Variants in NOL10 observed in about 807,000 individuals in gnomAD.
NOL10 encodes the protein nucleolar protein 10, also known as H_NH0074G24.1.
In NOL10, 58 loss-of-function variants were observed where a neutral mutation model predicts 103.5. The observed-to-expected ratio is 0.56, with a 90% confidence interval of 0.45 to 0.70. The LOEUF (loss-of-function observed/expected upper bound fraction) is 0.70, where lower values mean the gene tolerates loss of function less well. Ranked by LOEUF, NOL10 falls within the 30% of genes least tolerant of loss-of-function variation. The pLI is 0.00. For synonymous variants in NOL10, 287 were observed against 282.5 expected, an observed-to-expected ratio of 1.02 and a Z score of -0.16; for missense variants, 763 against 807.3, an observed-to-expected ratio of 0.95 and a Z score of 0.67.
At chr2:10,603,016 G>T in intron 15 of NOL10, 62 bp downstream of exon 15, 1 of 1,370,710 alleles carries the variant, frequency 7.3e-7, no homozygotes, top group Non-Finnish European at 1.0e-6. Context: ...CGAGTAGTGA[G>T]GAAATGGCCA....
intron 13 of NOL10, among the ~76,000 whole-genome samples, chr2:10,637,201 A>C (rs1158629399): frequency 3.3e-5 from 5 of 150,494 alleles, no homozygotes; most frequent in African/African-American, 9.7e-5. Flanking sequence ...AAAAAAAAAA[A>C]AAAAAAAAAA....
chr2:10,676,698 C>T (rs1002227535), intron 3 of NOL10, among the ~76,000 whole-genome samples: 6 of 147,862 alleles, frequency 4.1e-5, no homozygotes, highest in Non-Finnish European at 8.9e-5. Context: ...GGTGCAATGG[C>T]GTGATCTCGG....
intron 1 of NOL10, among the ~76,000 whole-genome samples, chr2:10,686,979 C>CA (rs1682258194): frequency 6.6e-6 from 1 of 152,208 alleles, no homozygotes; most frequent in African/African-American, 2.4e-5. Flanking sequence ...GGGCTAGAAA[C>CA]ATCAATGTGA....
chr2:10,679,831 G>A (rs1348369190), intron 3 of NOL10, among the ~76,000 whole-genome samples: 2 of 152,152 alleles, frequency 1.3e-5, no homozygotes, highest in Non-Finnish European at 2.9e-5. Flanking sequence ...ATGTTGGGCA[G>A]GCTGGTCTCG....
intron 13 of NOL10, among the ~76,000 whole-genome samples, chr2:10,626,394 C>A (rs540482114): frequency 2.0e-5 from 3 of 152,196 alleles, no homozygotes; most frequent in Non-Finnish European, 2.9e-5. Context: ...TTTGAGAACA[C>A]TGAATCAAAG....
At chr2:10,646,893 G>GA (rs1217932706) in intron 12 of NOL10, among the ~76,000 whole-genome samples, 1 of 152,186 alleles carries the variant, frequency 6.6e-6, no homozygotes, top group Non-Finnish European at 1.5e-5. Flanking sequence ...ATGGCAACGT[G>GA]AAAGATGTGT....
intron 17 of NOL10, among the ~76,000 whole-genome samples, chr2:10,591,647 G>A (rs566374868): frequency 6.6e-6 from 1 of 152,220 alleles, no homozygotes; most frequent in Non-Finnish European, 1.5e-5. Context: ...ACGAAGGAGG[G>A]AGACAGGGAA....
chr2:10,603,524 G>C (rs1676093795), intron 14 of NOL10, among the ~76,000 whole-genome samples: 1 of 152,144 alleles, frequency 6.6e-6, no homozygotes, highest in African/African-American at 2.4e-5. Context: ...GAGGAGAAGG[G>C]AGAGAGGAGA....
At chr2:10,602,749 A>C in intron 16 of NOL10, 27 bp downstream of exon 16, 1 of 1,351,878 alleles carries the variant, frequency 7.4e-7, no homozygotes, top group Non-Finnish European at 1.0e-6. Context: ...CTTCTCTGAT[A>C]AATTCAATGG....
intron 1 of NOL10, among the ~76,000 whole-genome samples, chr2:10,689,061 G>A (rs1682424817): frequency 6.6e-6 from 1 of 152,222 alleles, no homozygotes; most frequent in Non-Finnish European, 1.5e-5. Flanking sequence ...TCCACAAAAG[G>A]TAGTGCTCAG....
intron 6 of NOL10, among the ~76,000 whole-genome samples, chr2:10,669,095 T>G (rs181528717): frequency 6.6e-6 from 1 of 152,162 alleles, no homozygotes; most frequent in Non-Finnish European, 1.5e-5. Context: ...TCTTTTTTTT[T>G]GTTTTTTTGT....
At chr2:10,685,410 T>C (rs1420190983) in intron 1 of NOL10, among the ~76,000 whole-genome samples, 1 of 141,540 alleles carries the variant, frequency 7.1e-6, no homozygotes, top group South Asian at 2.2e-4. Context: ...GGGGAATCAC[T>C]TGAACCCGGG....
intron 15 of NOL10, 79 bp downstream of exon 15, chr2:10,602,999 G>C (rs1676060614): frequency 7.8e-7 from 1 of 1,281,400 alleles, no homozygotes; most frequent in East Asian, 2.4e-5. Flanking sequence ...TATGATTTAT[G>C]AAAGTGCGAG....
chr2:10,686,944 C>T (rs1283189094), intron 1 of NOL10, among the ~76,000 whole-genome samples: 2 of 152,136 alleles, frequency 1.3e-5, no homozygotes, highest in Admixed American at 1.3e-4. Flanking sequence ...GTTGGATACA[C>T]AAGTCCAGTT....
At chr2:10,661,495 C>A (rs1328704827) in intron 9 of NOL10, among the ~76,000 whole-genome samples, 1 of 152,064 alleles carries the variant, frequency 6.6e-6, no homozygotes, top group Non-Finnish European at 1.5e-5. Context: ...CCTCAGCCTC[C>A]TGGGTACTTG....
In NOL10 at chr2:10,671,665, T is replaced by C. The variant is rs1042269467; in HGVS notation, c.353A>G (p.Tyr118Cys). ...ACCTGATTGCGAATGAAATTCAATG[T>C]ATCTATCATTATGTAAGAAGACAAT... Reference protein sequence around the residue: ...SKIVFLHNDRYIEFHSQSGFY... With the variant: ...SKIVFLHNDRCIEFHSQSGFY... The change falls in exon 6 of 21, where the codon TAC becomes TGC. Residue 118 changes from tyrosine (Y) to cysteine (C), a missense_variant. By Grantham distance (194) the Tyr-to-Cys change is radical (BLOSUM62 -2). Coordinates refer to ENST00000381685, the MANE Select transcript of NOL10 (RefSeq NM_024894.4). 1.9e-6 allele frequency: 3 copies of C among 1,571,078 alleles called. No homozygotes were observed. Among genetic ancestry groups the C allele is most frequent in the African/African-American group, 2.7e-5 (2 of 74,098 alleles).
rs532221516 is a variant in NOL10, at chr2:10,665,571, C to T, written c.591+1647G>A. The stretch of plus-strand genomic sequence containing the variant: ...TTCCGGAAGCCCAGTCTTTGAGCAT[C>T]CCTACCTCCTATCCCTTCAACATGT... On this transcript the variant is annotated intron_variant, in intron 8 of 20. Transcript: ENST00000381685. Among the ~76,000 whole-genome samples the T allele has an allele frequency of 6.6e-5, 10 of 152,344 alleles. 1 individual carries two copies. In the South Asian group the frequency reaches 2.1e-3, roughly 32 times the overall value.
chr2:10,624,496 G>C (rs1677339140), intron 13 of NOL10, among the ~76,000 whole-genome samples: 1 of 151,882 alleles, frequency 6.6e-6, no homozygotes, highest in Non-Finnish European at 1.5e-5. Context: ...CACAGCGATA[G>C]GAAGACATGC....
At chr2:10,626,093 T>C (rs1460743190) in intron 13 of NOL10, among the ~76,000 whole-genome samples, 1 of 151,892 alleles carries the variant, frequency 6.6e-6, no homozygotes, top group Non-Finnish European at 1.5e-5. Flanking sequence ...GGTAGGAGGA[T>C]TACTTGAGCC....
Sources: gnomAD v4.1 joint callset for allele counts (sites outside exome capture counted in the v4.1 genomes callset) on GRCh38, gnomAD v4.1.1 for gene constraint, MANE v1.5 for transcripts, NCBI Gene and HGNC (gene_info 2026-07-23, HGNC 2026-07-21) for gene names.